The following CSNK1G1 variants were observed in gnomAD, a reference collection of about 807,000 sequenced individuals.
CSNK1G1 encodes casein kinase 1 gamma 1, also known as casein kinase I isoform gamma-1.
Under a neutral mutation model 59.6 loss-of-function variants are expected in CSNK1G1, and 22 were observed. That is an observed-to-expected ratio of 0.37 (90% confidence interval 0.26 to 0.53). The LOEUF (loss-of-function observed/expected upper bound fraction) is 0.53. Among genes scored for constraint, CSNK1G1 ranks in the 20% least tolerant of loss-of-function variants. The pLI is 0.89. For synonymous variants in CSNK1G1, 179 were observed against 177.1 expected (o/e 1.01, Z -0.08); for missense variants, 384 against 519.5 (o/e 0.74, Z 2.54).
chr15:64,318,484 A>G (rs1448443027), intron 1 of CSNK1G1, among the ~76,000 whole-genome samples: 2 of 151,972 alleles, frequency 1.3e-5, no homozygotes, highest in African/African-American at 4.8e-5. Flanking sequence ...TCATTATATC[A>G]TATTATTTTG....
chr15:64,343,379 G>T (rs900605736), intron 1 of CSNK1G1, among the ~76,000 whole-genome samples: 1 of 152,064 alleles, frequency 6.6e-6, no homozygotes, highest in Non-Finnish European at 1.5e-5. Context: ...ACACTTTCTT[G>T]CTTTTCCAAA....
At chr15:64,205,011 T>C in intron 7 of CSNK1G1, 62 bp from the exon 8 acceptor site, 1 of 964,736 alleles carries the variant, frequency 1.0e-6, no homozygotes, top group Non-Finnish European at 1.6e-6. Context: ...AGATTCAATA[T>C]GTTTTTGGAC....
At chr15:64,333,465 A>G (rs1363397945) in intron 1 of CSNK1G1, among the ~76,000 whole-genome samples, 2 of 122,212 alleles carry the variant, frequency 1.6e-5, no homozygotes, top group African/African-American at 2.9e-5. Context: ...AAAAAGGTCA[A>G]TATGTACCAG....
intron 3 of CSNK1G1, among the ~76,000 whole-genome samples, chr15:64,252,363 A>C (rs1268867341): frequency 1.3e-5 from 2 of 151,870 alleles, no homozygotes; most frequent in Admixed American, 1.3e-4. Flanking sequence ...AGTGTGTGCC[A>C]CCACTCACAG....
intron 2 of CSNK1G1, among the ~76,000 whole-genome samples, chr15:64,277,335 G>A (rs1193675312): frequency 1.3e-5 from 2 of 151,834 alleles, no homozygotes; most frequent in African/African-American, 4.8e-5. Flanking sequence ...GCATTGTGGT[G>A]CACCCTTCAG....
At chr15:64,290,408 TAAAA>T (rs1348100388) in intron 2 of CSNK1G1, among the ~76,000 whole-genome samples, 1 of 151,556 alleles carries the variant, frequency 6.6e-6, no homozygotes, top group African/African-American at 2.4e-5. Flanking sequence ...AAAAAAATAA[TAAAA>T]TTTCACGTTT....
intron 1 of CSNK1G1, among the ~76,000 whole-genome samples, chr15:64,340,312 G>T (rs1404826537): frequency 6.6e-6 from 1 of 152,098 alleles, no homozygotes; most frequent in Non-Finnish European, 1.5e-5. Flanking sequence ...CAATAGCTCT[G>T]TCTTGTTGTG....
intron 2 of CSNK1G1, among the ~76,000 whole-genome samples, chr15:64,272,995 T>C (rs1477058688): frequency 2.0e-5 from 3 of 152,224 alleles, no homozygotes; most frequent in African/African-American, 7.2e-5. Context: ...TGAGCCACTG[T>C]GCCTGGCCTT....
intron 6 of CSNK1G1, among the ~76,000 whole-genome samples, chr15:64,209,085 C>T (rs866059328): frequency 6.6e-6 from 1 of 152,020 alleles, no homozygotes; most frequent in Non-Finnish European, 1.5e-5. Flanking sequence ...CTGGGTTTTG[C>T]CATGTTTCCC....
Position 64,309,351 on chromosome 15 carries a change from CAAAT to C in CSNK1G1, c.-224-8632_-224-8629del, listed in dbSNP as rs143824246. Among the ~76,000 whole-genome samples the C allele has an allele frequency of 2.7e-3, 351 of 132,064 alleles. 2 individuals carry two copies. Among genetic ancestry groups the C allele is most frequent in the Admixed American group, 7.0e-3 (90 of 12,920 alleles). 86.6% of individuals were successfully genotyped at this position (132,064 alleles called of 152,430 possible). A position where few individuals can be genotyped will look rare whatever the true frequency, so the allele number is the denominator to read the frequency against. ...ACACACACACACACACACACACACA[CAAAT>C]AAATGAGTTCTCAATCTTGGTTTTC... On this transcript the variant is annotated intron_variant, in intron 1 of 11. Transcript: ENST00000303052.
Position 64,216,473 on chromosome 15 carries a change from T to G in CSNK1G1, c.444+89A>C, listed in dbSNP as rs2082312881. The G allele has an allele frequency of 4.6e-6, 6 of 1,310,494 alleles. No individual in the cohort carries two copies. The South Asian group carries it at 8.0e-5, about 17-fold the overall frequency. The allele number at this position is 1,310,494 out of a possible 1,614,324, so 81.2% of individuals were successfully genotyped here. A position where few individuals can be genotyped will look rare whatever the true frequency, so the allele number is the denominator to read the frequency against. ...CCTGTGAGTACTAATTCTTGATGTG[T>G]TGCTACGGCTAGTAAATCACCAAAA... On this transcript the variant is annotated intron_variant, in intron 5 of 11. Coordinates refer to ENST00000303052, the MANE Select transcript of CSNK1G1 (RefSeq NM_022048.5). The surrounding 1 kb of genome is among the most constrained non-coding windows in gnomAD (Gnocchi z 4.6).
chr15:64,326,273 A>C (rs941361881), intron 1 of CSNK1G1, among the ~76,000 whole-genome samples: 3 of 152,070 alleles, frequency 2.0e-5, no homozygotes, highest in Non-Finnish European at 2.9e-5. Context: ...TGATCCACCT[A>C]CCTCAGCCTC....
chr15:64,219,955 G>A (rs1010187162), intron 4 of CSNK1G1, among the ~76,000 whole-genome samples: 2 of 151,890 alleles, frequency 1.3e-5, no homozygotes, highest in Admixed American at 1.3e-4. Context: ...TAAATTTTTA[G>A]TAGAGATGGG....
At chr15:64,315,038 T>C (rs1896197990) in intron 1 of CSNK1G1, among the ~76,000 whole-genome samples, 1 of 152,220 alleles carries the variant, frequency 6.6e-6, no homozygotes, top group South Asian at 2.1e-4. Flanking sequence ...TTTTAGTTTT[T>C]TGACAAACCT....
chr15:64,315,167 T>C (rs182586693), intron 1 of CSNK1G1, among the ~76,000 whole-genome samples: 380 of 152,330 alleles, frequency 2.5e-3, no homozygotes, highest in Non-Finnish European at 4.3e-3. Context: ...GGAATCCTTG[T>C]ACACTGTTGT....
At chr15:64,254,153 A>C (rs1348549790) in intron 3 of CSNK1G1, among the ~76,000 whole-genome samples, 1 of 151,918 alleles carries the variant, frequency 6.6e-6, no homozygotes, top group Non-Finnish European at 1.5e-5. Flanking sequence ...AAAAACAAAC[A>C]ATAAAAAAAA....
chr15:64,248,552 T>C (rs1399656008), intron 4 of CSNK1G1, among the ~76,000 whole-genome samples: 1 of 152,142 alleles, frequency 6.6e-6, no homozygotes, highest in African/African-American at 2.4e-5. Flanking sequence ...TATAATCTTA[T>C]GGCAGGGAGT....
intron 2 of CSNK1G1, among the ~76,000 whole-genome samples, chr15:64,284,323 T>C (rs1894296339): frequency 6.6e-6 from 1 of 152,170 alleles, no homozygotes; most frequent in Admixed American, 6.5e-5. Flanking sequence ...TCCGTATGAA[T>C]TTTAGAATCA....
chr15:64,189,289 C>A, intron 10 of CSNK1G1: 1 of 1,006,092 alleles, frequency 9.9e-7, no homozygotes, highest in South Asian at 3.7e-5. Context: ...CAACTAAAAA[C>A]CTCTTTGGAT....
Sources: allele counts gnomAD v4.1 joint callset (sites outside exome capture counted in the v4.1 genomes callset), GRCh38; gene constraint gnomAD v4.1.1; non-coding constraint Gnocchi (gnomAD v3.1); transcripts MANE v1.5; gene names NCBI Gene and HGNC (gene_info 2026-07-23, HGNC 2026-07-21).